Variants in GALNTL6 observed in about 807,000 individuals in gnomAD.
The protein encoded by GALNTL6 is polypeptide N-acetylgalactosaminyltransferase like 6.
A neutral mutation model predicts 73.7 loss-of-function variants in GALNTL6; 46 were observed. The ratio of observed to expected loss-of-function variants is 0.62; its 90% confidence interval spans 0.49 to 0.80. The LOEUF is 0.80. Among genes scored for constraint, GALNTL6 ranks in the 30% least tolerant of loss-of-function variants. The probability of loss-of-function intolerance (pLI) is 0.00; values close to 1 mark genes in which losing one functional copy is unlikely to be tolerated. For missense variants in GALNTL6, 604 were observed against 755.0 expected, an observed-to-expected ratio of 0.80 and a Z score of 2.34; for synonymous variants, 259 against 263.7, an observed-to-expected ratio of 0.98 and a Z score of 0.17.
intron 2 of GALNTL6, among the ~76,000 whole-genome samples, chr4:171,943,980 T>C (rs563342073): frequency 3.0e-4 from 45 of 152,188 alleles, no homozygotes; most frequent in African/African-American, 1.0e-3. Context: ...CTTCTAGAAA[T>C]TATAGAAGAA....
Position 172,600,256 on chromosome 4 carries a change from TA to T in GALNTL6, c.554-209096del, listed in dbSNP as rs199779308. ...ATTGGAAACCAAAACCTAGAAAACTTAAAAAAAAATCTTTAACAAAAGATTT... is the reference window on the plus strand; with the variant it reads ...ATTGGAAACCAAAACCTAGAAAACTTAAAAAAAATCTTTAACAAAAGATTT... On this transcript the variant is annotated intron_variant, in intron 5 of 12. Transcript: ENST00000506823. Among the ~76,000 whole-genome samples, 556 of 150,990 alleles carry T rather than the reference TA, an allele frequency of 3.7e-3. 2 individuals are homozygous for T. The highest frequency in any genetic ancestry group is 6.5e-3 in the Non-Finnish European group (437 of 67,676).
intron 2 of GALNTL6, among the ~76,000 whole-genome samples, chr4:172,195,244 C>T (rs1735720711): frequency 6.6e-6 from 1 of 152,086 alleles, no homozygotes; most frequent in Non-Finnish European, 1.5e-5. Flanking sequence ...AAGAACTATA[C>T]TAAATATACA....
intron 5 of GALNTL6, among the ~76,000 whole-genome samples, chr4:172,551,154 AT>A (rs980896930): frequency 9.2e-5 from 14 of 152,286 alleles, no homozygotes; most frequent in African/African-American, 3.4e-4. Flanking sequence ...AGAGTGTCTG[AT>A]TTTGGTTTTT....
intron 2 of GALNTL6, among the ~76,000 whole-genome samples, chr4:171,903,814 C>T (rs975239120): frequency 5.9e-5 from 9 of 152,080 alleles, no homozygotes; most frequent in Non-Finnish European, 1.2e-4. Flanking sequence ...GGCAGACTGC[C>T]TCCTCAAGTG....
chr4:172,191,736 A>G (rs1735595176), intron 2 of GALNTL6, among the ~76,000 whole-genome samples: 1 of 152,166 alleles, frequency 6.6e-6, no homozygotes, highest in South Asian at 2.1e-4. Flanking sequence ...AGGATTCTAT[A>G]TAGATTTCAT....
chr4:171,939,286 A>T (rs974945499), intron 2 of GALNTL6, among the ~76,000 whole-genome samples: 1 of 151,956 alleles, frequency 6.6e-6, no homozygotes, highest in African/African-American at 2.4e-5. Context: ...TAATCAATAT[A>T]CTGATTTTTT....
At chr4:172,115,653 A>G (rs772936680) in intron 2 of GALNTL6, among the ~76,000 whole-genome samples, 1 of 152,136 alleles carries the variant, frequency 6.6e-6, no homozygotes, top group Non-Finnish European at 1.5e-5. Flanking sequence ...AGCCACTATT[A>G]TTAATCTTTG....
chr4:172,256,816 G>A (rs71607876), intron 3 of GALNTL6, among the ~76,000 whole-genome samples: 117 of 151,458 alleles, frequency 7.7e-4, no homozygotes, highest in African/African-American at 2.7e-3. Flanking sequence ...ATTAGATAGA[G>A]TATTGCTTTC....
At chr4:172,510,126 T>G (rs1734429868) in intron 5 of GALNTL6, among the ~76,000 whole-genome samples, 1 of 54,970 alleles carries the variant, frequency 1.8e-5, no homozygotes, top group Non-Finnish European at 4.2e-5. Context: ...TTCAGCAGTG[T>G]TTTGTAGTTT....
At chr4:172,600,064 A>G (rs552659102) in intron 5 of GALNTL6, among the ~76,000 whole-genome samples, 2 of 152,244 alleles carry the variant, frequency 1.3e-5, no homozygotes, top group South Asian at 2.1e-4. Flanking sequence ...TTCCAGTGTC[A>G]TAGTAGAGGT....
chr4:172,177,819 G>GTGTA (rs1560955655), intron 2 of GALNTL6, among the ~76,000 whole-genome samples: 23 of 131,420 alleles, frequency 1.8e-4, no homozygotes, highest in African/African-American at 7.2e-4. Context: ...ATATGTGTGT[G>GTGTA]TATATATACA....
At chr4:171,864,977 T>C (rs1735932543) in intron 2 of GALNTL6, among the ~76,000 whole-genome samples, 1 of 152,064 alleles carries the variant, frequency 6.6e-6, no homozygotes, top group Middle Eastern at 3.4e-3. Context: ...AGTAACCCCA[T>C]CTCTACTAAA....
intron 10 of GALNTL6, among the ~76,000 whole-genome samples, chr4:172,976,729 A>C (rs1013958601): frequency 6.6e-6 from 1 of 152,216 alleles, no homozygotes; most frequent in Non-Finnish European, 1.5e-5. Context: ...TGGTCCACAC[A>C]GAAAGTTTGA....
At chr4:171,818,431 A>G (rs73867172) in intron 2 of GALNTL6, among the ~76,000 whole-genome samples, 6,015 of 151,954 alleles carry the variant, frequency 0.04, 395 homozygotes, top group African/African-American at 0.14. Flanking sequence ...AATTACAGAA[A>G]TAATTCAAGA....
intron 5 of GALNTL6, among the ~76,000 whole-genome samples, chr4:172,501,907 C>T (rs1734275239): frequency 6.6e-6 from 1 of 152,080 alleles, no homozygotes; most frequent in African/African-American, 2.4e-5. Flanking sequence ...AAATTGCAGT[C>T]ACTAAAGAAT....
chr4:172,494,396 T>A (rs1292962010), intron 5 of GALNTL6, among the ~76,000 whole-genome samples: 1 of 152,204 alleles, frequency 6.6e-6, no homozygotes, highest in East Asian at 1.9e-4. Flanking sequence ...TTTGAGAACC[T>A]GATACTGAGA....
At chr4:171,866,466 A>T (rs1424925196) in intron 2 of GALNTL6, among the ~76,000 whole-genome samples, 3 of 152,286 alleles carry the variant, frequency 2.0e-5, no homozygotes, top group African/African-American at 7.2e-5. Context: ...GGGTAAAATT[A>T]TCTCATAGGA....
At chr4:172,581,220 G>A (rs1352162798) in intron 5 of GALNTL6, among the ~76,000 whole-genome samples, 1 of 152,216 alleles carries the variant, frequency 6.6e-6, no homozygotes, top group African/African-American at 2.4e-5. Context: ...TAAAGCAAAT[G>A]TAGTACAACT....
intron 5 of GALNTL6, among the ~76,000 whole-genome samples, chr4:172,622,357 A>G (rs1738995226): frequency 6.6e-6 from 1 of 152,196 alleles, no homozygotes; most frequent in African/African-American, 2.4e-5. Context: ...TAATCTTAAC[A>G]TTTTAGAAAC....
Sources: gnomAD v4.1 joint callset for allele counts (sites outside exome capture counted in the v4.1 genomes callset) on GRCh38, gnomAD v4.1.1 for gene constraint, MANE v1.5 for transcripts, NCBI Gene and HGNC (gene_info 2026-07-23, HGNC 2026-07-21) for gene names.